TGFBR3: variants seen among roughly 807,000 people sequenced by gnomAD.
TGFBR3 encodes transforming growth factor beta receptor 3, also known as transforming growth factor beta receptor type 3.
TGFBR3 carries 46 observed loss-of-function variants against 87.9 expected under a neutral mutation model. The observed-to-expected ratio is 0.52, with a 90% CI of 0.41 to 0.67. The LOEUF is 0.67. TGFBR3 is among the 30% of genes least tolerant of loss of function. The pLI, the probability that TGFBR3 is intolerant of heterozygous loss-of-function variation, is 0.00. For synonymous variants in TGFBR3, 381 were observed against 391.6 expected, an observed-to-expected ratio of 0.97 and a Z score of 0.32; for missense variants, 866 against 1,041.9, an observed-to-expected ratio of 0.83 and a Z score of 2.32.
At chr1:91,863,157 T>G (rs1678265300) in intron 1 of TGFBR3, among the ~76,000 whole-genome samples, 2 of 152,322 alleles carry the variant, frequency 1.3e-5, no homozygotes, top group African/African-American at 4.8e-5. Context: ...ATTAATACCA[T>G]GTGCAAGTAT....
intron 3 of TGFBR3, among the ~76,000 whole-genome samples, chr1:91,768,683 A>G (rs987857841): frequency 2.6e-5 from 4 of 152,142 alleles, no homozygotes; most frequent in Non-Finnish European, 5.9e-5. Flanking sequence ...CATCCATGTA[A>G]GATGTGTCTG....
intron 16 of TGFBR3, among the ~76,000 whole-genome samples, chr1:91,692,107 A>T (rs1451972411): frequency 2.6e-5 from 4 of 152,170 alleles, no homozygotes; most frequent in Non-Finnish European, 4.4e-5. Context: ...ATATTATACT[A>T]CATGAGTTAA....
chr1:91,853,052 G>A (rs759477883), intron 2 of TGFBR3, among the ~76,000 whole-genome samples: 33 of 151,794 alleles, frequency 2.2e-4, no homozygotes, highest in Non-Finnish European at 3.8e-4. Context: ...CCAGCTACTT[G>A]GGGGTCTGTG....
intron 2 of TGFBR3, among the ~76,000 whole-genome samples, chr1:91,845,133 T>G (rs7555548): frequency 0.32 from 49,088 of 152,128 alleles, 8,139 homozygotes; most frequent in Non-Finnish European, 0.36. Context: ...AATAGATTTT[T>G]GGGGGCCTTT....
chr1:91,818,278 C>CTTTTTT (rs760050197), intron 2 of TGFBR3, among the ~76,000 whole-genome samples: 2 of 32,468 alleles, frequency 6.2e-5, no homozygotes, highest in African/African-American at 2.0e-4. Context: ...TAGCCCCAGC[C>CTTTTTT]TTTTTTTTTT....
chr1:91,686,694 T>A (rs1447349637), intron 16 of TGFBR3, among the ~76,000 whole-genome samples: 2 of 152,216 alleles, frequency 1.3e-5, no homozygotes, highest in Non-Finnish European at 2.9e-5. Context: ...TTCTACTTAA[T>A]GGGCCAACAG....
chr1:91,900,657 T>C (rs1374792145), intron 1 of TGFBR3, among the ~76,000 whole-genome samples: 1 of 152,218 alleles, frequency 6.6e-6, no homozygotes, highest in Admixed American at 6.5e-5. Flanking sequence ...TGACTCACTC[T>C]TTTCTGTTAG....
At chr1:91,810,364 C>G (rs988319935) in intron 2 of TGFBR3, among the ~76,000 whole-genome samples, 29 of 152,124 alleles carry the variant, frequency 1.9e-4, no homozygotes, top group Admixed American at 2.6e-4. Flanking sequence ...TGGCCCAGAA[C>G]TACACTTTTG....
intron 2 of TGFBR3, among the ~76,000 whole-genome samples, chr1:91,840,577 A>G (rs66702902): frequency 0.99 from 150,753 of 151,700 alleles, 74,909 homozygotes; most frequent in Middle Eastern, 1. Context: ...TGGTCATCTG[A>G]AAAATAATGG....
intron 1 of TGFBR3, among the ~76,000 whole-genome samples, chr1:91,880,467 G>T (rs960245713): frequency 2.6e-5 from 4 of 151,914 alleles, no homozygotes; most frequent in Non-Finnish European, 4.4e-5. Flanking sequence ...GCGTGGTGGC[G>T]GGCGCCTGTA....
chr1:91,807,499 A>G (rs774972835), intron 2 of TGFBR3, among the ~76,000 whole-genome samples: 8 of 152,242 alleles, frequency 5.3e-5, no homozygotes, highest in Non-Finnish European at 1.2e-4. Context: ...ATCATGGAGC[A>G]ACCATGTTGG....
At chr1:91,863,834 C>T (rs1298028291) in intron 1 of TGFBR3, 1 of 152,176 alleles carries the variant, frequency 6.6e-6, no homozygotes, top group African/African-American at 2.4e-5. Context: ...CTTATTATCC[C>T]TCTAAGTCGA....
At chr1:91,841,793 CAAAAAAAAAAA>C (rs57953815) in intron 2 of TGFBR3, among the ~76,000 whole-genome samples, 1 of 88,824 alleles carries the variant, frequency 1.1e-5, no homozygotes, top group African/African-American at 4.5e-5. Context: ...GACTCCATCT[CAAAAAAAAAAA>C]AAAAAAAAAG....
chr1:91,776,644 C>T (rs1458464619), intron 3 of TGFBR3, among the ~76,000 whole-genome samples: 1 of 152,186 alleles, frequency 6.6e-6, no homozygotes, highest in Non-Finnish European at 1.5e-5. Flanking sequence ...GACTTTGGCT[C>T]TGATCAGTGT....
intron 2 of TGFBR3, among the ~76,000 whole-genome samples, chr1:91,845,556 T>C (rs1248141561): frequency 1.3e-5 from 2 of 152,246 alleles, no homozygotes; most frequent in African/African-American, 4.8e-5. Context: ...GACAGGGACT[T>C]CTATTATTTG....
At chr1:91,829,158 T>A (rs1219141713) in intron 2 of TGFBR3, among the ~76,000 whole-genome samples, 1 of 151,966 alleles carries the variant, frequency 6.6e-6, no homozygotes, top group African/African-American at 2.4e-5. Context: ...GGCAGATCAC[T>A]TGAGGTCAGG....
At position 91,885,700 on chromosome 1, in the gene TGFBR3, A is replaced by G. The variant is rs574601571; in HGVS notation, c.-114+178T>C. ...CTGGCCACCGGTGCCTGCTCCCCGG[A>G]GGGTAAACACCGCCCCACCAGCGCC... On this transcript the variant is annotated intron_variant, in intron 1 of 16. Transcript: ENST00000212355. Among the ~76,000 whole-genome samples, 16 of 152,212 alleles carry G rather than the reference A, an allele frequency of 1.1e-4. No homozygotes were observed. In the East Asian group the frequency reaches 3.1e-3, roughly 30 times the overall value.
At position 91,741,419 on chromosome 1, in the gene TGFBR3, C is replaced by A. The variant is rs185630851; in HGVS notation, c.385-6460G>T. Among the ~76,000 whole-genome samples the A allele has an allele frequency of 1.2e-4, 18 of 152,282 alleles. No homozygotes were observed. The East Asian group carries it at 3.5e-3, about 29-fold the overall frequency. On this transcript the variant is annotated intron_variant, in intron 4 of 16. Coordinates refer to ENST00000212355, the MANE Select transcript of TGFBR3 (RefSeq NM_003243.5). ...CGCCCCGGCACCTCCACATGCTCAC[C>A]AACCAGCAGCTCTCCAAACCCTACC... is the stretch of plus-strand genomic sequence containing the variant.
intron 3 of TGFBR3, among the ~76,000 whole-genome samples, chr1:91,771,540 T>C (rs1055798975): frequency 6.6e-6 from 1 of 151,486 alleles, no homozygotes; most frequent in African/African-American, 2.4e-5. Context: ...CCGTCTCTAC[T>C]AAAAAATACA....
Sources: allele counts gnomAD v4.1 joint callset (sites outside exome capture counted in the v4.1 genomes callset), GRCh38; gene constraint gnomAD v4.1.1; transcripts MANE v1.5; gene names NCBI Gene and HGNC (gene_info 2026-07-23, HGNC 2026-07-21).